The following RASGEF1B variants were observed in gnomAD, a reference collection of about 807,000 sequenced individuals.
RASGEF1B encodes the protein ras-GEF domain-containing family member 1B.
A neutral mutation model predicts 65.7 loss-of-function variants in RASGEF1B; 30 were observed. The observed-to-expected ratio is 0.46, with a 90% CI of 0.34 to 0.62. The LOEUF (loss-of-function observed/expected upper bound fraction) is 0.62. Ranked by LOEUF, RASGEF1B falls within the 20% of genes least tolerant of loss-of-function variation. RASGEF1B has a pLI of 0.01. For missense variants in RASGEF1B, 495 were observed against 580.1 expected, an observed-to-expected ratio of 0.85 and a Z score of 1.51; for synonymous variants, 175 against 194.8, an observed-to-expected ratio of 0.90 and a Z score of 0.85.
intron 1 of RASGEF1B, among the ~76,000 whole-genome samples, chr4:81,469,823 A>T (rs956282469): frequency 6.6e-6 from 1 of 152,196 alleles, no homozygotes; most frequent in East Asian, 1.9e-4. Flanking sequence ...TGGAGCACAT[A>T]AAATGAAGCA....
chr4:81,460,968 C>T (rs187337273), intron 1 of RASGEF1B, among the ~76,000 whole-genome samples: 22 of 152,270 alleles, frequency 1.4e-4, no homozygotes, highest in African/African-American at 5.1e-4. Flanking sequence ...TTAGGTAGCA[C>T]ATAGTCATAG....
At chr4:81,463,651 G>A (rs1035926388) in intron 1 of RASGEF1B, among the ~76,000 whole-genome samples, 1 of 152,122 alleles carries the variant, frequency 6.6e-6, no homozygotes, top group Non-Finnish European at 1.5e-5. Flanking sequence ...ATAATCACAA[G>A]GAAAAATCAG....
chr4:81,457,616 T>C lies in RASGEF1B; in HGVS notation c.183A>G (p.Thr61=). 1.9e-6 allele frequency: 3 copies of C among 1,613,766 alleles called. No individual in the cohort carries two copies. The highest frequency in any genetic ancestry group is 2.5e-6 in the Non-Finnish European group (3 of 1,179,910). The part of the protein sequence containing the change: ...VPNVDYYPDR[T]YIFTFLLSSR... Reference sequence around the variant, plus strand: ...AACTGAGTAGGAAGGTAAATATGTATGTTCTCTGCAGCAACAGAAAAAAGT... The same window carrying C: ...AACTGAGTAGGAAGGTAAATATGTACGTTCTCTGCAGCAACAGAAAAAAGT... The change falls in exon 3 of 14, where the codon ACA becomes ACG. Residue 61 remains threonine (T), a synonymous_variant. Transcript: ENST00000264400.
At chr4:81,436,338 T>C (rs911374155) in intron 10 of RASGEF1B, among the ~76,000 whole-genome samples, 3 of 152,188 alleles carry the variant, frequency 2.0e-5, no homozygotes, top group African/African-American at 7.2e-5. Flanking sequence ...CCTTGCATAA[T>C]ATGTTTTGAG....
At chr4:81,437,133 G>A (rs985419791) in intron 10 of RASGEF1B, among the ~76,000 whole-genome samples, 1 of 152,172 alleles carries the variant, frequency 6.6e-6, no homozygotes, top group East Asian at 1.9e-4. Context: ...AAAAAATTTC[G>A]CTTCAGAATT....
At chr4:81,471,281 G>A (rs1373382947) in intron 1 of RASGEF1B, 1 of 152,380 alleles carries the variant, frequency 6.6e-6, no homozygotes, top group Non-Finnish European at 1.5e-5. Context: ...TCAAGAAGTG[G>A]AAGAATCAAC....
chr4:81,450,342 T>C (rs1722208908), intron 4 of RASGEF1B, among the ~76,000 whole-genome samples: 1 of 152,080 alleles, frequency 6.6e-6, no homozygotes, highest in African/African-American at 2.4e-5. Flanking sequence ...ACCCTGTCTC[T>C]ACAAAAACTT....
chr4:81,438,188 G>C (rs1721710445), intron 10 of RASGEF1B, among the ~76,000 whole-genome samples: 1 of 152,108 alleles, frequency 6.6e-6, no homozygotes, highest in Non-Finnish European at 1.5e-5. Flanking sequence ...AAAACCTGGA[G>C]ACACAGGTAC....
chr4:81,446,168 A>T (rs1019330625), intron 6 of RASGEF1B, among the ~76,000 whole-genome samples: 2 of 152,194 alleles, frequency 1.3e-5, no homozygotes, highest in Non-Finnish European at 2.9e-5. Flanking sequence ...AGAGGTCAGG[A>T]GTTCGAGATC....
At position 81,429,576 on chromosome 4, in the gene RASGEF1B, C is replaced by A. The variant is rs144663284; in HGVS notation, c.1398-1784G>T. Among the ~76,000 whole-genome samples, 203 of 152,292 alleles carry A rather than the reference C, an allele frequency of 1.3e-3. 3 individuals carry two copies. The East Asian group carries it at 0.032, about 24-fold the overall frequency. On this transcript the variant is annotated intron_variant, in intron 13 of 13. Transcript: ENST00000264400. ...ATTTCCCAAGACCACCCTGGCCCAC[C>A]ACGCCCCCATCTTGGGCCTATAAAA...
chr4:81,449,104 G>T (rs187691891), intron 4 of RASGEF1B, among the ~76,000 whole-genome samples: 1 of 152,160 alleles, frequency 6.6e-6, no homozygotes, highest in African/African-American at 2.4e-5. Flanking sequence ...AAGCCACCGC[G>T]TCTGGCCTAC....
intron 1 of RASGEF1B, among the ~76,000 whole-genome samples, chr4:81,463,665 A>T (rs1265523557): frequency 1.3e-5 from 2 of 152,212 alleles, no homozygotes; most frequent in Non-Finnish European, 2.9e-5. Context: ...AAATCAGCAG[A>T]ATGGTACAGA....
intron 11 of RASGEF1B, 80 bp downstream of exon 11, chr4:81,434,559 G>A: frequency 1.2e-6 from 1 of 805,562 alleles, no homozygotes; most frequent in Non-Finnish European, 2.2e-6. Context: ...GGCTTTGGCT[G>A]CCTGGCCAGG....
At chr4:81,437,529 G>A (rs1007013329) in intron 10 of RASGEF1B, among the ~76,000 whole-genome samples, 2 of 152,164 alleles carry the variant, frequency 1.3e-5, no homozygotes, top group Non-Finnish European at 2.9e-5. Context: ...GTGCTGAGCT[G>A]TGAGATTCAT....
chr4:81,459,701 C>T (rs1403964675), intron 1 of RASGEF1B, among the ~76,000 whole-genome samples, 187 bp from the exon 2 acceptor site: 1 of 152,172 alleles, frequency 6.6e-6, no homozygotes, highest in East Asian at 1.9e-4. Flanking sequence ...GACACGTATG[C>T]ATGCTTTTGA....
intron 9 of RASGEF1B, among the ~76,000 whole-genome samples, chr4:81,441,439 GA>G (rs1721832654): frequency 6.6e-6 from 1 of 151,910 alleles, no homozygotes; most frequent in African/African-American, 2.4e-5. Context: ...ACTTGGGAGA[GA>G]ACACTTTCTT....
chr4:81,468,932 G>A (rs975817800), intron 1 of RASGEF1B, among the ~76,000 whole-genome samples: 13 of 152,166 alleles, frequency 8.5e-5, no homozygotes, highest in Non-Finnish European at 1.3e-4. Context: ...ACTGATTAGG[G>A]CTCCAGATCA....
chr4:81,449,266 T>C (rs1412195927), intron 4 of RASGEF1B, among the ~76,000 whole-genome samples: 1 of 152,210 alleles, frequency 6.6e-6, no homozygotes, highest in Admixed American at 6.5e-5. Flanking sequence ...CACATGGCAA[T>C]TCTCCCTGCA....
chr4:81,447,601 C>G, intron 5 of RASGEF1B, 23 bp from the exon 6 acceptor site: 4 of 1,589,882 alleles, frequency 2.5e-6, no homozygotes, highest in Non-Finnish European at 3.5e-6. Context: ...CCCAGAAGGT[C>G]AACAGTATTA....
Sources: allele counts gnomAD v4.1 joint callset (sites outside exome capture counted in the v4.1 genomes callset), GRCh38; gene constraint gnomAD v4.1.1; transcripts MANE v1.5; gene names NCBI Gene and HGNC (gene_info 2026-07-23, HGNC 2026-07-21).